RHBDL3: variants seen among roughly 807,000 people sequenced by gnomAD.
RHBDL3 encodes the protein rhomboid-related protein 3.
In RHBDL3, 28 loss-of-function variants were observed where a neutral mutation model predicts 48.2. The observed-to-expected ratio is 0.58, with a 90% CI of 0.43 to 0.80. The LOEUF is 0.80. RHBDL3 is among the 30% of genes least tolerant of loss of function. RHBDL3 has a pLI of 0.00. For missense variants in RHBDL3, 464 were observed against 542.7 expected (o/e 0.85, Z 1.44); for synonymous variants, 208 against 232.3 (o/e 0.90, Z 0.95).
intron 8 of RHBDL3, among the ~76,000 whole-genome samples, chr17:32,319,689 C>T (rs764081519): frequency 6.6e-6 from 1 of 152,084 alleles, no homozygotes. Context: ...AAATGAAGGT[C>T]CCTGGAGGTT....
intron 4 of RHBDL3, among the ~76,000 whole-genome samples, chr17:32,290,771 G>C (rs2040306317): frequency 6.6e-6 from 1 of 152,088 alleles, no homozygotes; most frequent in Non-Finnish European, 1.5e-5. Context: ...GGGAGGTCAG[G>C]GTGGGAGGAT....
At chr17:32,275,402 G>T (rs2039874115) in intron 2 of RHBDL3, among the ~76,000 whole-genome samples, 1 of 152,224 alleles carries the variant, frequency 6.6e-6, no homozygotes, top group Non-Finnish European at 1.5e-5. Context: ...CCGTCTGTGT[G>T]CCTGGGAGGC....
chr17:32,316,142 C>A, intron 7 of RHBDL3, 90 bp from the exon 8 acceptor site: 1 of 904,782 alleles, frequency 1.1e-6, no homozygotes, highest in South Asian at 1.4e-5. Flanking sequence ...TCACGGAGAT[C>A]CTTATTTTAA....
At chr17:32,281,146 C>T (rs941283458) in intron 2 of RHBDL3, among the ~76,000 whole-genome samples, 34 of 152,162 alleles carry the variant, frequency 2.2e-4, no homozygotes, top group African/African-American at 8.2e-4. Context: ...GGCCTGATTC[C>T]AGCTTGTTCT....
At chr17:32,311,818 G>C (rs2040853198) in intron 7 of RHBDL3, among the ~76,000 whole-genome samples, 1 of 152,214 alleles carries the variant, frequency 6.6e-6, no homozygotes. Flanking sequence ...TGTGTGCCAG[G>C]CAGTGGTCTT....
In RHBDL3 at chr17:32,306,910, G is replaced by T. The variant is rs1019666429; in HGVS notation, c.882+1469G>T. The stretch of plus-strand genomic sequence containing the variant: ...CACACCAGCCTGGGAAACAGAGTGA[G>T]ACCCTGTCTCAATTTAAAGAAAAGA... On this transcript the variant is annotated intron_variant, in intron 7 of 8. Coordinates refer to ENST00000269051, the MANE Select transcript of RHBDL3 (RefSeq NM_138328.3). 2.0e-5 allele frequency among the ~76,000 whole-genome samples: 3 copies of T among 152,270 alleles called. No homozygotes were observed. In the South Asian group the frequency reaches 6.2e-4, roughly 32 times the overall value.
At chr17:32,318,184 C>T (rs1468316704) in intron 8 of RHBDL3, among the ~76,000 whole-genome samples, 2 of 150,752 alleles carry the variant, frequency 1.3e-5, no homozygotes, top group Non-Finnish European at 3.0e-5. Flanking sequence ...GACCCTGTCT[C>T]CACACACACA....
chr17:32,287,366 G>A (rs906884243), intron 3 of RHBDL3, among the ~76,000 whole-genome samples: 12 of 152,196 alleles, frequency 7.9e-5, no homozygotes, highest in South Asian at 2.1e-4. Flanking sequence ...TGCACCAGGC[G>A]CCTAACCCTG....
intron 7 of RHBDL3, among the ~76,000 whole-genome samples, chr17:32,313,418 A>G (rs371704316): frequency 6.6e-6 from 1 of 152,232 alleles, no homozygotes; most frequent in East Asian, 1.9e-4. Flanking sequence ...AAAATGTACC[A>G]TCTTAAAGTA....
At chr17:32,288,003 TC>T (rs1265507922) in intron 3 of RHBDL3, among the ~76,000 whole-genome samples, 1 of 152,148 alleles carries the variant, frequency 6.6e-6, no homozygotes, top group Non-Finnish European at 1.5e-5. Flanking sequence ...ATAGAGCTGG[TC>T]CCCAGGTGGA....
chr17:32,267,869 C>T (rs757929651), intron 1 of RHBDL3, 33 bp from the exon 2 acceptor site: 3 of 1,613,910 alleles, frequency 1.9e-6, no homozygotes, highest in African/African-American at 1.3e-5. Flanking sequence ...CTCTCCTCTT[C>T]TTCCTCTCCT....
At chr17:32,305,019 G>C (rs1004909087) in intron 6 of RHBDL3, among the ~76,000 whole-genome samples, 8 of 152,174 alleles carry the variant, frequency 5.3e-5, no homozygotes, top group Non-Finnish European at 8.8e-5. Context: ...TACTTGGGAA[G>C]CTGGGGCAGG....
chr17:32,312,242 C>T (rs1322806074), intron 7 of RHBDL3, among the ~76,000 whole-genome samples: 1 of 152,088 alleles, frequency 6.6e-6, no homozygotes, highest in Non-Finnish European at 1.5e-5. Flanking sequence ...TCTGAACCAG[C>T]CTGGGCAACA....
intron 3 of RHBDL3, 45 bp downstream of exon 3, chr17:32,284,862 G>C (rs1290628793): frequency 6.5e-7 from 1 of 1,542,542 alleles, no homozygotes; most frequent in Non-Finnish European, 8.9e-7. Flanking sequence ...CCTGTTTGAG[G>C]GTTATGGCTT....
intron 5 of RHBDL3, among the ~76,000 whole-genome samples, chr17:32,296,439 G>A (rs867292827): frequency 1.4e-5 from 2 of 143,986 alleles, no homozygotes; most frequent in African/African-American, 2.6e-5. Flanking sequence ...GGGTTCAAGC[G>A]ATTCTCCTTC....
intron 5 of RHBDL3, among the ~76,000 whole-genome samples, chr17:32,296,242 C>CAAAA (rs61503250): frequency 1.1e-5 from 1 of 90,580 alleles, no homozygotes; most frequent in African/African-American, 3.8e-5. Flanking sequence ...GACTCCATCT[C>CAAAA]AAAAAAAAAA....
intron 2 of RHBDL3, among the ~76,000 whole-genome samples, chr17:32,280,079 G>A (rs1567765561): frequency 6.6e-6 from 1 of 152,258 alleles, no homozygotes; most frequent in African/African-American, 2.4e-5. Flanking sequence ...GCAGGTGGGC[G>A]GGCCAGCTCC....
rs1266138256 is a variant in RHBDL3 at position 32,266,183 on chromosome 17, C to G, written c.-7C>G. On this transcript the variant is annotated 5_prime_UTR_variant, in exon 1 of 9. Transcript: ENST00000269051. ...AGCCGCCGCCGCCCCCGGACCCCGT[C>G]TCGGCCATGGGCGAGCACCCCAGCC... 8.4e-7 allele frequency: 1 copy of G among 1,194,416 alleles called. No individual in the cohort carries two copies. Among genetic ancestry groups the G allele is most frequent in the East Asian group, 3.4e-5 (1 of 29,150 alleles). The allele number at this position is 1,194,416 out of a possible 1,614,324, so 74.0% of individuals were successfully genotyped here. A position where few individuals can be genotyped will look rare whatever the true frequency, so the allele number is the denominator to read the frequency against.
At chr17:32,288,720 T>G in intron 3 of RHBDL3, 72 bp from the exon 4 acceptor site, 1 of 1,131,856 alleles carries the variant, frequency 8.8e-7, no homozygotes, top group Non-Finnish European at 1.3e-6. Context: ...AGGAACATGC[T>G]GGCTGGGAAG....
Sources: allele counts gnomAD v4.1 joint callset (sites outside exome capture counted in the v4.1 genomes callset), GRCh38; gene constraint gnomAD v4.1.1; transcripts MANE v1.5; gene names NCBI Gene and HGNC (gene_info 2026-07-23, HGNC 2026-07-21).